CFAP97D2: variants seen among roughly 807,000 people sequenced by gnomAD.
The protein encoded by CFAP97D2 is CFAP97 domain containing 2.
chr13:114,197,750 T>C (rs2080894175), intron 2 of CFAP97D2, among the ~76,000 whole-genome samples: 1 of 152,204 alleles, frequency 6.6e-6, no homozygotes, highest in Non-Finnish European at 1.5e-5. Context: ...TGATACAACT[T>C]CAGCTCACTG....
At chr13:114,180,509 C>G (rs992492673) in intron 1 of CFAP97D2, among the ~76,000 whole-genome samples, 13 of 152,300 alleles carry the variant, frequency 8.5e-5, no homozygotes, top group African/African-American at 2.9e-4. Context: ...TCCCTGGAGT[C>G]TTCTCTCTCC....
rs546761622 is a variant in CFAP97D2 at position 114,203,559 on chromosome 13, C to T, written c.290+3116C>T. ...ACATGACCAGGAAAATCTAGGCACA[C>T]GAACACATTGAAGGGTGAGTAGAGC... On this transcript the variant is annotated intron_variant, in intron 3 of 4. Coordinates refer to ENST00000646158, the Ensembl canonical transcript of CFAP97D2. This position sits in a 1 kb window ranked among gnomAD's most constrained non-coding sequence, Gnocchi z 4.3. Among the ~76,000 whole-genome samples, 47 of 152,158 alleles carry T rather than the reference C, an allele frequency of 3.1e-4. No individual in the cohort carries two copies. The highest frequency in any genetic ancestry group is 7.2e-4 in the African/African-American group (30 of 41,482).
chr13:114,183,306 A>G (rs1282184993), intron 1 of CFAP97D2, among the ~76,000 whole-genome samples: 1 of 152,066 alleles, frequency 6.6e-6, no homozygotes, highest in African/African-American at 2.4e-5. Flanking sequence ...AGCTGTGATT[A>G]CAGTCGCGTG....
chr13:114,222,537 T>A (rs974586397), downstream of CFAP97D2: 1 of 398,210 alleles, frequency 2.5e-6, no homozygotes, highest in Non-Finnish European at 4.4e-6. The surrounding 1 kb of genome is among the most constrained non-coding windows in gnomAD (Gnocchi z 4.4). Flanking sequence ...CAGCCAAGCC[T>A]GGACCCTAAA....
At chr13:114,218,887 T>G (rs2081007456) in intron 4 of CFAP97D2, among the ~76,000 whole-genome samples, 1 of 152,224 alleles carries the variant, frequency 6.6e-6, no homozygotes, top group South Asian at 2.1e-4. Flanking sequence ...CAAGATGGAT[T>G]GAAGACTTAA....
chr13:114,210,826 G>C (rs2080963453), intron 3 of CFAP97D2, among the ~76,000 whole-genome samples: 2 of 149,102 alleles, frequency 1.3e-5, no homozygotes, highest in African/African-American at 5.0e-5. Context: ...TCACTCCCAG[G>C]GTTAAATGAG....
At chr13:114,201,039 C>T (rs910883500) in intron 3 of CFAP97D2, among the ~76,000 whole-genome samples, 1 of 152,154 alleles carries the variant, frequency 6.6e-6, no homozygotes, top group African/African-American at 2.4e-5. Context: ...TCTTTCATAA[C>T]CTCACTTTTC....
At chr13:114,220,008 C>T (rs1022501438) in intron 4 of CFAP97D2, among the ~76,000 whole-genome samples, 5 of 151,946 alleles carry the variant, frequency 3.3e-5, no homozygotes, top group Admixed American at 2.0e-4. Flanking sequence ...AGACCAGCCA[C>T]GTACCAAGCT....
intron 1 of CFAP97D2, among the ~76,000 whole-genome samples, chr13:114,182,936 A>G (rs752476550): frequency 6.6e-5 from 10 of 152,186 alleles, no homozygotes; most frequent in Middle Eastern, 3.4e-3. Flanking sequence ...TCTTTTCCCT[A>G]CAATGCCCAC....
At chr13:114,197,362 T>C (rs1303694994) in intron 2 of CFAP97D2, among the ~76,000 whole-genome samples, 3 of 152,256 alleles carry the variant, frequency 2.0e-5, no homozygotes, top group South Asian at 2.1e-4. Flanking sequence ...GTCTCTGTTT[T>C]AACCTTAATG....
At chr13:114,180,825 T>G (rs938024851) in intron 1 of CFAP97D2, among the ~76,000 whole-genome samples, 1 of 152,202 alleles carries the variant, frequency 6.6e-6, no homozygotes, top group African/African-American at 2.4e-5. Context: ...ACCTCCTGCA[T>G]GAGGTAGCTG....
chr13:114,217,007 A>G (rs2080996697), intron 4 of CFAP97D2, among the ~76,000 whole-genome samples: 1 of 152,084 alleles, frequency 6.6e-6, no homozygotes, highest in South Asian at 2.1e-4. Context: ...ATGGTATCTC[A>G]TTGTGGTTTT....
intron 4 of CFAP97D2, among the ~76,000 whole-genome samples, chr13:114,221,745 C>G (rs997135634): frequency 4.5e-5 from 6 of 132,714 alleles, no homozygotes; most frequent in African/African-American, 1.0e-4. Flanking sequence ...AAAAGGTACA[C>G]AAACTTAAAA....
In CFAP97D2 at chr13:114,222,419, T is replaced by C; in HGVS notation, c.481-79T>C. On this transcript the variant is annotated intron_variant, in intron 4 of 4. Coordinates refer to ENST00000646158, the Ensembl canonical transcript of CFAP97D2. The surrounding 1 kb of genome is among the most constrained non-coding windows in gnomAD (Gnocchi z 4.4). The stretch of plus-strand genomic sequence containing the variant: ...AAAGACTTGTCAATGAGTTGAAATA[T>C]TCCATTTCCCAAGTAAGTTGATAGT... 1 of 398,420 alleles carries C rather than the reference T, an allele frequency of 2.5e-6. No individual in the cohort carries two copies. Among genetic ancestry groups the C allele is most frequent in the Non-Finnish European group, 4.4e-6 (1 of 226,024 alleles). The allele number at this position is 398,420 out of a possible 1,614,324, so 24.7% of individuals were successfully genotyped here.
intron 1 of CFAP97D2, among the ~76,000 whole-genome samples, chr13:114,193,918 C>A (rs1157135079): frequency 1.3e-5 from 2 of 152,142 alleles, no homozygotes; most frequent in African/African-American, 4.8e-5. Context: ...AGGTGTGAAC[C>A]ACTGCACCTT....
intron 2 of CFAP97D2, among the ~76,000 whole-genome samples, chr13:114,198,367 A>G (rs1461605232): frequency 6.6e-6 from 1 of 152,258 alleles, no homozygotes; most frequent in East Asian, 1.9e-4. Context: ...AGTCTCCAGC[A>G]TATCTGCAGA....
intron 3 of CFAP97D2, among the ~76,000 whole-genome samples, chr13:114,210,855 TACACACACACACACACAC>T (rs34230424): frequency 6.9e-6 from 1 of 144,878 alleles, no homozygotes; most frequent in South Asian, 2.3e-4. Context: ...ATTTCATTGA[TACACACACACACACACAC>T]ACACACACAC....
At chr13:114,214,788 T>G (rs912978741) in intron 4 of CFAP97D2, among the ~76,000 whole-genome samples, 2 of 152,242 alleles carry the variant, frequency 1.3e-5, no homozygotes, top group African/African-American at 4.8e-5. Flanking sequence ...AGTCCTACTC[T>G]ACGTAGTTTT....
At chr13:114,198,280 A>G (rs1413611141) in intron 2 of CFAP97D2, among the ~76,000 whole-genome samples, 1 of 152,218 alleles carries the variant, frequency 6.6e-6, no homozygotes, top group Non-Finnish European at 1.5e-5. Flanking sequence ...TAATGCCTCC[A>G]GGACAAAAGG....
Sources: allele counts gnomAD v4.1 joint callset (sites outside exome capture counted in the v4.1 genomes callset), GRCh38; gene constraint gnomAD v4.1.1; non-coding constraint Gnocchi (gnomAD v3.1); transcripts MANE v1.5; gene names NCBI Gene and HGNC (gene_info 2026-07-23, HGNC 2026-07-21).